The following AGBL3 variants were observed in gnomAD, a reference collection of about 807,000 sequenced individuals.
AGBL3 encodes the protein AGBL carboxypeptidase 3, also known as cytosolic carboxypeptidase 3.
In AGBL3, 68 loss-of-function variants were observed where a neutral mutation model predicts 94.5. That is an observed-to-expected ratio of 0.72 (90% CI 0.59 to 0.88). The LOEUF (loss-of-function observed/expected upper bound fraction) is 0.88, where lower values mean the gene tolerates loss of function less well. AGBL3 is among the 40% of genes least tolerant of loss of function. The pLI, the probability that AGBL3 is intolerant of heterozygous loss-of-function variation, is 0.00. For missense variants in AGBL3, 934 were observed against 1,103.8 expected (o/e 0.85, Z 2.18); for synonymous variants, 354 against 370.7 (o/e 0.95, Z 0.52).
chr7:135,057,768 C>A (rs1818467425), intron 11 of AGBL3, among the ~76,000 whole-genome samples: 1 of 152,132 alleles, frequency 6.6e-6, no homozygotes, highest in Non-Finnish European at 1.5e-5. Context: ...TATGTTCAGA[C>A]AATAAAATGT....
chr7:135,081,926 G>A, intron 15 of AGBL3, 136 bp downstream of exon 15: 1 of 529,800 alleles, frequency 1.9e-6, no homozygotes, highest in Non-Finnish European at 3.2e-6. Flanking sequence ...ATTTTACCCA[G>A]TCAAAACCAA....
At chr7:135,016,486 T>C (rs1343861972) in intron 4 of AGBL3, among the ~76,000 whole-genome samples, 1 of 151,972 alleles carries the variant, frequency 6.6e-6, no homozygotes, top group Non-Finnish European at 1.5e-5. Flanking sequence ...ATGTCATTTT[T>C]CCCCCATCAA....
intron 16 of AGBL3, chr7:135,128,313 A>AAAAC (rs1828222642): frequency 2.0e-5 from 5 of 245,400 alleles, no homozygotes; most frequent in African/African-American, 1.2e-4. Context: ...AAAAAAAAAA[A>AAAAC]AAAAAACGAA....
chr7:134,986,517 T>C lies in AGBL3; in HGVS notation c.-244T>C, dbSNP rs1273305396. ...TCGCGAGGGCGGACCCGTTGCCTGATGACGAGAGTTGGGAGTGTGGCTGGG... is the reference window on the plus strand; with the variant it reads ...TCGCGAGGGCGGACCCGTTGCCTGACGACGAGAGTTGGGAGTGTGGCTGGG... On this transcript the variant is annotated 5_prime_UTR_variant, in exon 1 of 17. It removes an upstream start codon present in the reference 5' UTR. Transcript: ENST00000436302. 6.6e-6 allele frequency: 1 copy of C among 152,374 alleles called. No individual in the cohort carries two copies. Among genetic ancestry groups the C allele is most frequent in the Non-Finnish European group, 1.5e-5 (1 of 68,132 alleles). The allele number at this position is 152,374 out of a possible 1,614,324, so 9.4% of individuals were successfully genotyped here. A position where few individuals can be genotyped will look rare whatever the true frequency, so the allele number is the denominator to read the frequency against.
At chr7:135,094,394 C>A in intron 15 of AGBL3, 1 of 456,656 alleles carries the variant, frequency 2.2e-6, no homozygotes, top group Non-Finnish European at 4.4e-6. Flanking sequence ...GCAGAAGCTG[C>A]TAGAATCATA....
rs1817274666 is a variant in AGBL3 at position 135,045,528 on chromosome 7, A to G, written c.1682A>G (p.His561Arg). Residue 561 changes from histidine (H) to arginine (R), a missense_variant, in exon 10 of 17, where the codon CAT (histidine) becomes CGT (arginine). Transcript: ENST00000436302. ...AAAGACCTGGAATCAATGGGATATC[A>G]TTTTTGTGATTCTCTCTTGGATTAT... The part of the protein sequence containing the change: ...STKDLESMGY[H>R]FCDSLLDYCD... 2 of 1,551,082 alleles carry G rather than the reference A, an allele frequency of 1.3e-6. No individual in the cohort carries two copies. Among genetic ancestry groups the G allele is most frequent in the South Asian group, 1.2e-5 (1 of 84,052 alleles).
intron 7 of AGBL3, 72 bp from the exon 8 acceptor site, chr7:135,037,346 T>C: frequency 2.3e-6 from 3 of 1,295,812 alleles, no homozygotes; most frequent in Non-Finnish European, 3.1e-6. Flanking sequence ...ATTACACTTA[T>C]AAATCCATAG....
At chr7:135,125,697 T>G (rs765343641) in intron 16 of AGBL3, among the ~76,000 whole-genome samples, 1 of 152,220 alleles carries the variant, frequency 6.6e-6, no homozygotes, top group Non-Finnish European at 1.5e-5. Context: ...GTATCCACCA[T>G]GATGAAGTTG....
intron 16 of AGBL3, chr7:135,115,824 G>A (rs1328973862): frequency 4.2e-6 from 2 of 481,156 alleles, no homozygotes; most frequent in African/African-American, 2.0e-5. Flanking sequence ...TTGATTATTT[G>A]CATGAAACTA....
At chr7:135,000,987 A>T (rs1157800885) in intron 4 of AGBL3, among the ~76,000 whole-genome samples, 3 of 152,160 alleles carry the variant, frequency 2.0e-5, no homozygotes, top group African/African-American at 7.2e-5. Context: ...GTCGGCTTGG[A>T]CAATTCTATA....
rs1253664537 is a variant in AGBL3 at position 135,115,586 on chromosome 7, A to T, written c.2317A>T (p.Arg773Ter). ...TTQIKQLFNP[R>*]TNFQIQHQLN... ...TCAGATAAAACAGCTATTCAATCCA[A>T]GAACCAACTTCCAAATCCAACATCA... Residue 773 changes from arginine (R) to a stop codon, truncating the protein, a stop_gained, in exon 16 of 17, where the codon AGA (arginine) becomes TGA (stop). Transcript: ENST00000436302. LOFTEE classifies it low-confidence loss of function (END_TRUNC). The T allele has an allele frequency of 1.9e-6, 3 of 1,550,268 alleles. No individual in the cohort carries two copies. The East Asian group carries it at 7.3e-5, about 38-fold the overall frequency.
At chr7:134,990,757 C>A (rs1368806911) in intron 3 of AGBL3, among the ~76,000 whole-genome samples, 1 of 152,192 alleles carries the variant, frequency 6.6e-6, no homozygotes, top group Non-Finnish European at 1.5e-5. Context: ...TACAAGTGTG[C>A]TTTTCCCTTA....
intron 3 of AGBL3, among the ~76,000 whole-genome samples, chr7:134,992,026 T>C (rs1046945460): frequency 4.6e-5 from 7 of 152,222 alleles, no homozygotes; most frequent in African/African-American, 1.4e-4. Context: ...TTGTATTTTA[T>C]CTAGAGTTTA....
intron 2 of AGBL3, 41 bp from the exon 3 acceptor site, chr7:134,989,209 T>G (rs902816806): frequency 1.3e-5 from 19 of 1,432,498 alleles, no homozygotes; most frequent in Non-Finnish European, 1.6e-5. Context: ...TTGAAAACTG[T>G]TGGTTTTTAA....
At chr7:135,022,626 T>A (rs193121277) in intron 5 of AGBL3, among the ~76,000 whole-genome samples, 1 of 152,304 alleles carries the variant, frequency 6.6e-6, no homozygotes, top group South Asian at 2.1e-4. Flanking sequence ...TTTGCTCTTA[T>A]GATAGTTTCC....
chr7:135,082,921 T>A (rs1343473213), intron 15 of AGBL3, among the ~76,000 whole-genome samples: 2 of 152,130 alleles, frequency 1.3e-5, no homozygotes, highest in African/African-American at 4.8e-5. Context: ...GCTATACATC[T>A]CCACACAGAT....
rs113397765 is a variant in AGBL3, at chr7:135,009,440, A to C, written c.311-7612A>C. Among the ~76,000 whole-genome samples, 199 of 152,312 alleles carry C rather than the reference A, an allele frequency of 1.3e-3. 3 individuals carry two copies. The highest frequency in any genetic ancestry group is 4.7e-3 in the African/African-American group (197 of 41,556). ...CTAGAACAGGCAACTATATAGACAA[A>C]ATAGCACATATGCCTACATCTCACT... On this transcript the variant is annotated intron_variant, in intron 4 of 16. Transcript: ENST00000436302.
chr7:134,986,928 G>A (rs933062751), intron 1 of AGBL3, among the ~76,000 whole-genome samples: 16 of 152,382 alleles, frequency 1.0e-4, no homozygotes, highest in Admixed American at 5.9e-4. Flanking sequence ...GAAGACACCC[G>A]CGGAGCGCCG....
chr7:135,092,077 GGT>G (rs1821932244), intron 15 of AGBL3, among the ~76,000 whole-genome samples: 1 of 152,162 alleles, frequency 6.6e-6, no homozygotes, highest in Admixed American at 6.5e-5. Flanking sequence ...TATTGTCAAT[GGT>G]TCTGTGACCT....
Sources: gnomAD v4.1 joint callset for allele counts (sites outside exome capture counted in the v4.1 genomes callset) on GRCh38, gnomAD v4.1.1 for gene constraint, MANE v1.5 for transcripts, NCBI Gene and HGNC (gene_info 2026-07-23, HGNC 2026-07-21) for gene names.